The following LOXL1 variants were observed in gnomAD, a reference collection of about 807,000 sequenced individuals.
LOXL1 encodes lysyl oxidase like 1, also known as lysyl oxidase homolog 1.
In LOXL1, 31 loss-of-function variants were observed where a neutral mutation model predicts 62.2. The observed-to-expected ratio is 0.50, with a 90% confidence interval of 0.37 to 0.67. LOXL1 has a LOEUF of 0.67. Ranked by LOEUF, LOXL1 falls within the 30% of genes least tolerant of loss-of-function variation. The pLI, the probability that LOXL1 is intolerant of heterozygous loss-of-function variation, is 0.00. For synonymous variants in LOXL1, 403 were observed against 384.4 expected, an observed-to-expected ratio of 1.05 and a Z score of -0.56; for missense variants, 775 against 843.4, an observed-to-expected ratio of 0.92 and a Z score of 1.00.
intron 6 of LOXL1, among the ~76,000 whole-genome samples, chr15:73,951,191 A>G (rs2068782938): frequency 6.6e-6 from 1 of 152,182 alleles, no homozygotes; most frequent in Admixed American, 6.5e-5. Flanking sequence ...GGGAACAGAA[A>G]CAGCATCCCA....
At chr15:73,951,248 T>C (rs2068783674) in intron 6 of LOXL1, among the ~76,000 whole-genome samples, 1 of 152,172 alleles carries the variant, frequency 6.6e-6, no homozygotes, top group African/African-American at 2.4e-5. Context: ...GCAGGGCAGA[T>C]GGAGAAGCAG....
In LOXL1 at chr15:73,951,928, C is replaced by T; in HGVS notation, c.*91C>T. 7.9e-7 allele frequency: 1 copy of T among 1,261,926 alleles called. No homozygotes were observed. The allele number at this position is 1,261,926 out of a possible 1,614,324, so 78.2% of individuals were successfully genotyped here. A position where few individuals can be genotyped will look rare whatever the true frequency, so the allele number is the denominator to read the frequency against. ...CCCGCCGAGGGGCCCAGCCCCCAAC[C>T]CACAGGCACGGAGGGGCATCCCTCC... On this transcript the variant is annotated 3_prime_UTR_variant, in exon 7 of 7. Transcript: ENST00000261921.
chr15:73,938,319 G>GTCTATC (rs1555433316), intron 1 of LOXL1, among the ~76,000 whole-genome samples: 3,741 of 90,916 alleles, frequency 0.041, 82 homozygotes, highest in Non-Finnish European at 0.059. Context: ...ATCTATCTAG[G>GTCTATC]TAGATAGATA....
In LOXL1 at chr15:73,946,480, C is replaced by T. The variant is rs368632424; in HGVS notation, c.1275C>T (p.Arg425=). 25 of 1,612,548 alleles carry T rather than the reference C, an allele frequency of 1.6e-5. No individual in the cohort carries two copies. In the East Asian group the frequency reaches 4.0e-4, roughly 26 times the overall value. ...GGGTGCTACTGCGCTTCCCCCAGCG[C>T]GTGAAGAACCAGGGCACAGCAGACT... The part of the protein sequence containing the change: ...DVRVLLRFPQ[R]VKNQGTADFL... Residue 425 remains arginine (R), a synonymous_variant, in exon 3 of 7, where the codon CGC becomes CGT. Transcript: ENST00000261921.
rs1405818787 is a variant in LOXL1, at chr15:73,945,711, CT to C, written c.1212-696del. Among the ~76,000 whole-genome samples, 15 of 149,094 alleles carry C rather than the reference CT, an allele frequency of 1.0e-4. No homozygotes were observed. Among genetic ancestry groups the C allele is most frequent in the East Asian group, 3.9e-4 (2 of 5,114 alleles). On this transcript the variant is annotated intron_variant, in intron 2 of 6. Transcript: ENST00000261921. This position sits in a 1 kb window ranked among gnomAD's most constrained non-coding sequence, Gnocchi z 4.3. Reference sequence around the variant, plus strand: ...ACTTATCAGAATCTCCTGGATAGGACTTTTTTTTTTCTTTTTTTTAGAAAGG... The same window carrying C: ...ACTTATCAGAATCTCCTGGATAGGACTTTTTTTTTCTTTTTTTTAGAAAGG...
intron 1 of LOXL1, among the ~76,000 whole-genome samples, chr15:73,934,709 TCTTGCC>T (rs1478381038): frequency 6.6e-6 from 1 of 152,208 alleles, no homozygotes; most frequent in East Asian, 1.9e-4. Context: ...GAGACAAAAT[TCTTGCC>T]CTTGTGGATC....
At position 73,930,526 on chromosome 15, in the gene LOXL1, C is replaced by A. The variant is rs1293245988; in HGVS notation, c.1102+2641C>A. On this transcript the variant is annotated intron_variant, in intron 1 of 6. Coordinates refer to ENST00000261921, the MANE Select transcript of LOXL1 (RefSeq NM_005576.4). The surrounding 1 kb of genome is among the most constrained non-coding windows in gnomAD (Gnocchi z 4.7). ...CCAAGCCTTGTGCTTGAGATCAGACCCCCAGGCCTGGTGTGGGAGCCCAAG... is the reference window on the plus strand; with the variant it reads ...CCAAGCCTTGTGCTTGAGATCAGACACCCAGGCCTGGTGTGGGAGCCCAAG... Among the ~76,000 whole-genome samples the A allele has an allele frequency of 6.6e-6, 1 of 152,174 alleles. No homozygotes were observed.
In LOXL1 at chr15:73,927,463, C is replaced by T; in HGVS notation, c.680C>T (p.Pro227Leu). The T allele has an allele frequency of 6.9e-7, 1 of 1,449,140 alleles. No homozygotes were observed. The highest frequency in any genetic ancestry group is 9.1e-7 in the Non-Finnish European group (1 of 1,104,518). 89.8% of individuals were successfully genotyped at this position (1,449,140 alleles called of 1,614,324 possible). A position where few individuals can be genotyped will look rare whatever the true frequency, so the allele number is the denominator to read the frequency against. ...AAVASAGVIY[P>L]YQPRARYEEY... ...GTGGCCTCGGCGGGGGTCATCTACC[C>T]CTACCAGCCCCGGGCGCGCTACGAG... Residue 227 changes from proline to leucine, a missense_variant, in exon 1 of 7, where the codon CCC (proline) becomes CTC (leucine). Coordinates refer to ENST00000261921, the MANE Select transcript of LOXL1 (RefSeq NM_005576.4).
chr15:73,935,134 C>G (rs1009894002), intron 1 of LOXL1, among the ~76,000 whole-genome samples: 3 of 152,166 alleles, frequency 2.0e-5, no homozygotes, highest in Non-Finnish European at 4.4e-5. Context: ...CCCTTTTACT[C>G]AGCGTTTGAG....
At chr15:73,937,839 C>G (rs532566527) in intron 1 of LOXL1, among the ~76,000 whole-genome samples, 89 of 152,350 alleles carry the variant, frequency 5.8e-4, no homozygotes, top group African/African-American at 2.1e-3. Flanking sequence ...CCTACCCCCA[C>G]CAGTGGTGCT....
chr15:73,947,697 G>A, intron 4 of LOXL1, 110 bp from the exon 5 acceptor site: 3 of 761,660 alleles, frequency 3.9e-6, no homozygotes, highest in South Asian at 3.3e-5. Context: ...CCTGGGCCAG[G>A]GTCAGGGGAG....
chr15:73,932,418 C>T (rs1293816770), intron 1 of LOXL1, among the ~76,000 whole-genome samples: 1 of 152,174 alleles, frequency 6.6e-6, no homozygotes, highest in African/African-American at 2.4e-5. Context: ...TATATTATTG[C>T]TTATCTTGTA....
At chr15:73,931,087 A>G (rs570090592) in intron 1 of LOXL1, among the ~76,000 whole-genome samples, 1 of 151,978 alleles carries the variant, frequency 6.6e-6, no homozygotes, top group East Asian at 2.0e-4. Flanking sequence ...TCTTAGTGCC[A>G]CCTAAGAAGC....
intron 6 of LOXL1, 25 bp from the exon 7 acceptor site, chr15:73,951,806 T>C (rs2068789366): frequency 2.6e-6 from 4 of 1,543,382 alleles, no homozygotes; most frequent in Non-Finnish European, 3.5e-6. Flanking sequence ...AGCCCCTCAT[T>C]GACCCACTGT....
Position 73,947,801 on chromosome 15 carries a change from T to C in LOXL1, c.1507-6T>C, listed in dbSNP as rs751485981. ...ATCACAGCCGCTCCTCTTGTCCCTT[T>C]CCCAGGGCCTGAGCCCAGGCTGCTA... On this transcript the variant is annotated splice_region_variant and splice_polypyrimidine_tract_variant and intron_variant, in intron 4 of 6. Coordinates refer to ENST00000261921, the MANE Select transcript of LOXL1 (RefSeq NM_005576.4). The C allele has an allele frequency of 1.2e-6, 2 of 1,604,010 alleles. No homozygotes were observed. The highest frequency in any genetic ancestry group is 1.7e-6 in the Non-Finnish European group (2 of 1,172,672).
chr15:73,951,725 T>C lies in LOXL1; in HGVS notation c.1719-106T>C, dbSNP rs1288061342. Reference sequence around the variant, plus strand: ...CTTGAGGGAAATGTAGGCCCATGCCTGCCCTGCCACGAGGGATCTGGGCTG... The same window carrying C: ...CTTGAGGGAAATGTAGGCCCATGCCCGCCCTGCCACGAGGGATCTGGGCTG... On this transcript the variant is annotated intron_variant, in intron 6 of 6. Transcript: ENST00000261921. 4 of 1,027,998 alleles carry C rather than the reference T, an allele frequency of 3.9e-6. No homozygotes were observed. The African/African-American group carries it at 6.6e-5, about 17-fold the overall frequency. 63.7% of individuals were successfully genotyped at this position (1,027,998 alleles called of 1,614,324 possible).
chr15:73,938,105 G>A (rs1595846009), intron 1 of LOXL1, among the ~76,000 whole-genome samples: 1 of 152,196 alleles, frequency 6.6e-6, no homozygotes, highest in Middle Eastern at 3.4e-3. Context: ...TGGCCAACAT[G>A]GTGAAACCCC....
At chr15:73,929,331 C>T (rs2068619273) in intron 1 of LOXL1, among the ~76,000 whole-genome samples, 1 of 152,240 alleles carries the variant, frequency 6.6e-6, no homozygotes, top group Non-Finnish European at 1.5e-5. Context: ...TGACTGAGCC[C>T]TCCAGTGCCT....
intron 1 of LOXL1, chr15:73,928,230 C>T: frequency 3.8e-6 from 1 of 264,972 alleles, no homozygotes; most frequent in South Asian, 1.7e-4. Flanking sequence ...AGCCCCTCAT[C>T]CACCTTCTCC....
Sources: allele counts gnomAD v4.1 joint callset (sites outside exome capture counted in the v4.1 genomes callset), GRCh38; gene constraint gnomAD v4.1.1; non-coding constraint Gnocchi (gnomAD v3.1); transcripts MANE v1.5; gene names NCBI Gene and HGNC (gene_info 2026-07-23, HGNC 2026-07-21).